Variants in ZNF395 observed in about 807,000 individuals in gnomAD.
ZNF395 encodes HD gene regulatory region-binding protein 2.
Under a neutral mutation model 57.7 loss-of-function variants are expected in ZNF395, and 20 were observed. That is an observed-to-expected ratio of 0.35 (90% CI 0.24 to 0.50). The LOEUF is 0.50. Ranked by LOEUF, ZNF395 falls within the 20% of genes least tolerant of loss-of-function variation. The pLI, the probability that ZNF395 is intolerant of heterozygous loss-of-function variation, is 0.97. For synonymous variants in ZNF395, 295 were observed against 275.9 expected, an observed-to-expected ratio of 1.07 and a Z score of -0.69; for missense variants, 606 against 671.2, an observed-to-expected ratio of 0.90 and a Z score of 1.07.
chr8:28,366,816 A>T (rs896273075), intron 1 of ZNF395, among the ~76,000 whole-genome samples: 3 of 95,020 alleles, frequency 3.2e-5, no homozygotes, highest in African/African-American at 2.2e-4. Context: ...AGAAAGTTTA[A>T]AAAAAAAAAA....
Position 28,359,749 on chromosome 8 carries a change from C to T in ZNF395, c.316G>A (p.Val106Ile), listed in dbSNP as rs745505548. 33 of 1,614,016 alleles carry T rather than the reference C, an allele frequency of 2.0e-5. No homozygotes were observed. Among genetic ancestry groups the T allele is most frequent in the Middle Eastern group, 3.3e-4 (2 of 6,084 alleles). ...TGCAGCTTCTGCTCCAGCAGCCAGA[C>T]GGTCACCTGACCCTCCATCCAGCTG... ...QHSWMEGQVT[V>I]WLLEQKLQVC... Residue 106 changes from valine (V) to isoleucine (I), a missense_variant, in exon 3 of 10, where the codon GTC becomes ATC. Around this residue, in one of 3 missense-constraint regions of ZNF395, gnomAD observed 309 missense variants for 374.7 expected, o/e 0.82. Transcript: ENST00000344423. The surrounding 1 kb of genome is among the most constrained non-coding windows in gnomAD (Gnocchi z 4.7).
At chr8:28,358,383 T>C (rs1801808007) in intron 3 of ZNF395, among the ~76,000 whole-genome samples, 1 of 151,994 alleles carries the variant, frequency 6.6e-6, no homozygotes, top group Non-Finnish European at 1.5e-5. Flanking sequence ...GGGCTGGGAT[T>C]ACAGGCGTGA....
intron 1 of ZNF395, among the ~76,000 whole-genome samples, chr8:28,381,725 G>A (rs1181959168): frequency 2.0e-5 from 3 of 152,066 alleles, no homozygotes; most frequent in African/African-American, 4.8e-5. Context: ...GCACCTGATG[G>A]CTGTGACTCA....
At chr8:28,367,439 A>G (rs1429355266) in intron 1 of ZNF395, among the ~76,000 whole-genome samples, 1 of 152,244 alleles carries the variant, frequency 6.6e-6, no homozygotes, top group East Asian at 1.9e-4. Flanking sequence ...TGCTTACAGC[A>G]AATTCTCTCC....
At position 28,359,696 on chromosome 8, in the gene ZNF395, C is replaced by T; in HGVS notation, c.369G>A (p.Trp123Ter). The T allele has an allele frequency of 6.2e-7, 1 of 1,614,072 alleles. No individual in the cohort carries two copies. Among genetic ancestry groups the T allele is most frequent in the Non-Finnish European group, 8.5e-7 (1 of 1,180,042 alleles). The change falls in exon 3 of 10, where the codon TGG (tryptophan) becomes TGA (stop). Residue 123 changes from tryptophan (W) to a stop codon, truncating the protein, a stop_gained. Coordinates refer to ENST00000344423, the MANE Select transcript of ZNF395 (RefSeq NM_018660.3). LOFTEE classifies it high-confidence loss of function. The surrounding 1 kb of genome is among the most constrained non-coding windows in gnomAD (Gnocchi z 4.7). Reference protein sequence around the residue: ...LQVCCRVEEVWLAELQGPCPQ... With the variant: ...LQVCCRVEEV The stretch of plus-strand genomic sequence containing the variant: ...GACAGGGGCCCTGCAGCTCTGCCAG[C>T]CACACCTCCTCCACCCTGCAGCAGA...
intron 1 of ZNF395, among the ~76,000 whole-genome samples, chr8:28,370,671 G>A (rs1340643126): frequency 2.6e-5 from 4 of 152,164 alleles, no homozygotes; most frequent in African/African-American, 7.2e-5. Context: ...CATACTCTCC[G>A]AGTTTTCAGA....
Position 28,356,859 on chromosome 8 carries a change from C to A in ZNF395, c.474-80G>T. 1 of 1,156,018 alleles carries A rather than the reference C, an allele frequency of 8.7e-7. No individual in the cohort carries two copies. The allele number at this position is 1,156,018 out of a possible 1,614,324, so 71.6% of individuals were successfully genotyped here. A position where few individuals can be genotyped will look rare whatever the true frequency, so the allele number is the denominator to read the frequency against. ...GTCCTTGCAAAACGAGACACCACTT[C>A]TGGCTGGTTTCACACAATCATCTTA... On this transcript the variant is annotated intron_variant, in intron 3 of 9. Transcript: ENST00000344423. The surrounding 1 kb of genome is among the most constrained non-coding windows in gnomAD (Gnocchi z 4.0).
At chr8:28,361,959 C>T (rs1005833034) in intron 1 of ZNF395, among the ~76,000 whole-genome samples, 1 of 151,954 alleles carries the variant, frequency 6.6e-6, no homozygotes, top group Non-Finnish European at 1.5e-5. Flanking sequence ...GGCATGGTGG[C>T]ACATGCCTGT....
intron 7 of ZNF395, among the ~76,000 whole-genome samples, chr8:28,350,781 T>C (rs1227337775): frequency 6.6e-6 from 1 of 152,218 alleles, no homozygotes; most frequent in Non-Finnish European, 1.5e-5. Flanking sequence ...GCCCACAGAC[T>C]GATAAAATAG....
intron 1 of ZNF395, among the ~76,000 whole-genome samples, chr8:28,380,182 C>A (rs1802092363): frequency 6.6e-6 from 1 of 152,184 alleles, no homozygotes; most frequent in African/African-American, 2.4e-5. Flanking sequence ...TGAATAATCT[C>A]TGTGCATAAA....
intron 1 of ZNF395, among the ~76,000 whole-genome samples, chr8:28,363,885 C>T (rs778374474): frequency 6.6e-6 from 1 of 152,094 alleles, no homozygotes; most frequent in African/African-American, 2.4e-5. Flanking sequence ...CTGCCGGATT[C>T]GCATGGAGCT....
rs1296982360 is a variant in ZNF395 at position 28,353,170 on chromosome 8, T to C, written c.819+3A>G. The C allele has an allele frequency of 3.1e-6, 5 of 1,613,528 alleles. No homozygotes were observed. Among genetic ancestry groups the C allele is most frequent in the South Asian group, 1.1e-5 (1 of 91,058 alleles). ...GGCTCCCACTCACACCACAATCACG[T>C]ACCTTTCTTTTTCGTGGAGCTGGTT... On this transcript the variant is annotated splice_donor_region_variant and intron_variant, in intron 5 of 9. Transcript: ENST00000344423.
rs779606149 is a variant in ZNF395 at position 28,348,882 on chromosome 8, G to A, written c.1431-52C>T. 1.3e-5 allele frequency: 21 copies of A among 1,579,264 alleles called. No homozygotes were observed. The East Asian group carries it at 3.8e-4, about 29-fold the overall frequency. ...AGCCCCACACAGGTGGTGGGCCCAG[G>A]AGAGTGGCCAAGTGGGGCTGGGAGA... is the stretch of plus-strand genomic sequence containing the variant. On this transcript the variant is annotated intron_variant, in intron 9 of 9. Coordinates refer to ENST00000344423, the MANE Select transcript of ZNF395 (RefSeq NM_018660.3).
rs779423873 is a variant in ZNF395, at chr8:28,353,287, G to C, written c.705C>G (p.Pro235=). 1 of 1,610,828 alleles carries C rather than the reference G, an allele frequency of 6.2e-7. No individual in the cohort carries two copies. Among genetic ancestry groups the C allele is most frequent in the African/African-American group, 1.3e-5 (1 of 74,868 alleles). Residue 235 remains proline, a synonymous_variant, in exon 5 of 10, where the codon CCC becomes CCG. Coordinates refer to ENST00000344423, the MANE Select transcript of ZNF395 (RefSeq NM_018660.3). Reference sequence around the variant, plus strand: ...CCCCCAAATACTTGGGGCTGGCCTGGGGGTGGGGGGGCGAGGGGGTGGAGA... The same window carrying C: ...CCCCCAAATACTTGGGGCTGGCCTGCGGGTGGGGGGGCGAGGGGGTGGAGA... ...SGVSTPSPPH[P]QASPKYLGDA...
intron 1 of ZNF395, among the ~76,000 whole-genome samples, 177 bp from the exon 2 acceptor site, chr8:28,361,359 G>C (rs73570796): frequency 0.023 from 3,473 of 152,294 alleles, 138 homozygotes; most frequent in African/African-American, 0.08. Flanking sequence ...CTGCCTCCCA[G>C]GGAGGCCCAC....
chr8:28,351,778 C>A lies in ZNF395; in HGVS notation c.950G>T (p.Arg317Leu), dbSNP rs151013418. Reference protein sequence around the residue: ...GDTVDSDQFKREEDFYYTEVQ... With the variant: ...GDTVDSDQFKLEEDFYYTEVQ... ...CTCTGTGTAGTAGAAATCCTCCTCCCGCTTGAACTGATCAGAGTCCACTGT... is the reference window on the plus strand; with the variant it reads ...CTCTGTGTAGTAGAAATCCTCCTCCAGCTTGAACTGATCAGAGTCCACTGT... The change falls in exon 7 of 10, where the codon CGG becomes CTG. Residue 317 changes from arginine (R) to leucine (L), a missense_variant. This residue lies in a region of ZNF395 where 261 missense variants were observed against 240.3 expected (regional missense o/e 1.09). Coordinates refer to ENST00000344423, the MANE Select transcript of ZNF395 (RefSeq NM_018660.3). 1.5e-5 allele frequency: 23 copies of A among 1,577,620 alleles called. No homozygotes were observed. Among genetic ancestry groups the A allele is most frequent in the Non-Finnish European group, 2.0e-5 (23 of 1,166,386 alleles).
chr8:28,386,057 CGGCTCGGACGGCTA>C (rs1402254400), intron 1 of ZNF395: 1 of 147,024 alleles, frequency 6.8e-6, no homozygotes, highest in Non-Finnish European at 1.5e-5. Flanking sequence ...TCGGACGGCT[CGGCTCGGACGGCTA>C]GCTCAGCTCC....
intron 1 of ZNF395, among the ~76,000 whole-genome samples, chr8:28,381,262 C>T (rs1233713264): frequency 2.6e-5 from 4 of 151,592 alleles, no homozygotes; most frequent in African/African-American, 4.9e-5. Context: ...AGGATGGTCT[C>T]GATCTCCTGA....
rs73668443 is a variant in ZNF395 at position 28,367,756 on chromosome 8, G to A, written c.-58-6574C>T. On this transcript the variant is annotated intron_variant, in intron 1 of 9. Transcript: ENST00000344423. ...ATCCACAACCCTCTCTACTGGCACC[G>A]ATGGGACTGCAGCCTCCTTAGACTG... Among the ~76,000 whole-genome samples, 220 of 152,302 alleles carry A rather than the reference G, an allele frequency of 1.4e-3. 1 individual carries two copies. The highest frequency in any genetic ancestry group is 5.0e-3 in the African/African-American group (206 of 41,560).
Sources: allele counts gnomAD v4.1 joint callset (sites outside exome capture counted in the v4.1 genomes callset), GRCh38; gene constraint gnomAD v4.1.1; regional missense constraint gnomAD v4.1.1; non-coding constraint Gnocchi (gnomAD v3.1); transcripts MANE v1.5; gene names NCBI Gene and HGNC (gene_info 2026-07-23, HGNC 2026-07-21).